The following LIPA variants were observed in gnomAD, a reference collection of about 807,000 sequenced individuals.
LIPA encodes lysosomal acid lipase/cholesteryl ester hydrolase.
In LIPA, 26 loss-of-function variants were observed where a neutral mutation model predicts 40.6. That is an observed-to-expected ratio of 0.64 (90% CI 0.47 to 0.89). The LOEUF is 0.89. Among genes scored for constraint, LIPA ranks in the 40% least tolerant of loss-of-function variants. The probability of loss-of-function intolerance (pLI) is 0.00; values close to 1 mark genes in which losing one functional copy is unlikely to be tolerated. For missense variants in LIPA, 455 were observed against 479.6 expected, an observed-to-expected ratio of 0.95 and a Z score of 0.48; for synonymous variants, 188 against 168.4, an observed-to-expected ratio of 1.12 and a Z score of -0.90.
intron 1 of LIPA, among the ~76,000 whole-genome samples, chr10:89,312,195 C>T (rs7912070): frequency 6.6e-6 from 1 of 152,164 alleles, no homozygotes; most frequent in African/African-American, 2.4e-5. Flanking sequence ...AATCGCCACA[C>T]TTTGGGAGGC....
At chr10:89,290,988 A>G (rs184147259) in intron 1 of LIPA, among the ~76,000 whole-genome samples, 166 of 152,302 alleles carry the variant, frequency 1.1e-3, no homozygotes, top group Non-Finnish European at 2.0e-3. Flanking sequence ...TTAACATTAT[A>G]TTGTGAGTGT....
intron 2 of LIPA, among the ~76,000 whole-genome samples, chr10:89,387,721 A>G (rs1414167977): frequency 2.0e-5 from 3 of 152,242 alleles, no homozygotes; most frequent in Non-Finnish European, 2.9e-5. Context: ...TGTTTTATCA[A>G]TTAATTGTAC....
At chr10:89,351,895 G>T (rs943995936) in intron 2 of LIPA, among the ~76,000 whole-genome samples, 2 of 152,164 alleles carry the variant, frequency 1.3e-5, no homozygotes, top group African/African-American at 2.4e-5. Flanking sequence ...AACTCAGTGT[G>T]TCTCCATCTG....
At chr10:89,329,943 G>A (rs941078299) in intron 1 of LIPA, among the ~76,000 whole-genome samples, 2 of 152,118 alleles carry the variant, frequency 1.3e-5, no homozygotes, top group African/African-American at 2.4e-5. Context: ...TCAAAGGGGG[G>A]TTGTTCTCTG....
intron 2 of LIPA, chr10:89,362,723 T>G: frequency 2.7e-6 from 2 of 728,276 alleles, no homozygotes; most frequent in Non-Finnish European, 4.3e-6. Context: ...TGGAGTGTCC[T>G]GAGATGAACT....
At chr10:89,256,029 G>A (rs1361058912), upstream of LIPA, among the ~76,000 whole-genome samples, 3 of 152,196 alleles carry the variant, frequency 2.0e-5, no homozygotes, top group African/African-American at 7.2e-5. Flanking sequence ...CACTACTCAT[G>A]GCCAAGAAAG....
chr10:89,392,836 G>A (rs303218), intron 2 of LIPA: 218,532 of 1,012,666 alleles, frequency 0.22, 27,805 homozygotes, highest in East Asian at 0.51. Flanking sequence ...CTCGATTTGA[G>A]TATCTGCTTA....
At chr10:89,305,272 A>C (rs1843471155) in intron 1 of LIPA, among the ~76,000 whole-genome samples, 1 of 152,204 alleles carries the variant, frequency 6.6e-6, no homozygotes, top group South Asian at 2.1e-4. Flanking sequence ...TTCACAGAAA[A>C]AAATGAGAAT....
At chr10:89,356,211 G>A (rs1173957944) in intron 2 of LIPA, among the ~76,000 whole-genome samples, 1 of 152,102 alleles carries the variant, frequency 6.6e-6, no homozygotes, top group Non-Finnish European at 1.5e-5. Context: ...GGCAAGGTAT[G>A]GGGTGAGTAG....
intron 2 of LIPA, chr10:89,392,466 T>TCCCCCCCCCCCCCCCC: frequency 3.5e-6 from 1 of 285,990 alleles, no homozygotes; most frequent in Non-Finnish European, 5.8e-6. Context: ...AAAGTTTCAT[T>TCCCCCCCCCCCCCCCC]CCCCACCCCC....
intron 1 of LIPA, chr10:89,307,149 G>A (rs1385678405): frequency 1.2e-6 from 2 of 1,613,824 alleles, no homozygotes; most frequent in Admixed American, 1.7e-5. Flanking sequence ...TTTATAGAGG[G>A]TGTAAAAATA....
At chr10:89,408,557 T>G (rs527342605) in intron 2 of LIPA, among the ~76,000 whole-genome samples, 96 of 152,316 alleles carry the variant, frequency 6.3e-4, no homozygotes, top group African/African-American at 2.2e-3. Flanking sequence ...CTATTGGTTA[T>G]GTACCCTTCA....
At chr10:89,395,641 A>G (rs1199897402) in intron 2 of LIPA, among the ~76,000 whole-genome samples, 3 of 152,198 alleles carry the variant, frequency 2.0e-5, no homozygotes. Context: ...CAAGTTTCCT[A>G]TAAAAGGGGA....
rs549270880 is a variant in LIPA at position 89,303,632 on chromosome 10, C to T, written c.-2+38979G>A. Among the ~76,000 whole-genome samples, 7 of 152,166 alleles carry T rather than the reference C, an allele frequency of 4.6e-5. No homozygotes were observed. The East Asian group carries it at 7.7e-4, about 17-fold the overall frequency. Reference sequence around the variant, plus strand: ...AAATGGCTGCTCAAAGGGCTTTTACCTAAGTGTGTATATTAAATATCTCTA... The same window carrying T: ...AAATGGCTGCTCAAAGGGCTTTTACTTAAGTGTGTATATTAAATATCTCTA... On this transcript the variant is annotated intron_variant, in intron 1 of 5. Transcript: ENST00000282673.
At chr10:89,306,344 C>A in intron 1 of LIPA, 1 of 1,614,064 alleles carries the variant, frequency 6.2e-7, no homozygotes, top group Non-Finnish European at 8.5e-7. Context: ...GTTTTCCAGT[C>A]CCTATAGAAT....
chr10:89,276,939 G>C (rs532452923), intron 1 of LIPA, among the ~76,000 whole-genome samples: 1 of 152,176 alleles, frequency 6.6e-6, no homozygotes, highest in Non-Finnish European at 1.5e-5. Flanking sequence ...AGGCAGCCTA[G>C]CCCCCAGAGC....
At chr10:89,268,026 A>G (rs1843246762) in intron 1 of LIPA, among the ~76,000 whole-genome samples, 1 of 152,188 alleles carries the variant, frequency 6.6e-6, no homozygotes, top group Non-Finnish European at 1.5e-5. Context: ...GTTTACTCCC[A>G]CAAATTATCT....
chr10:89,252,129 C>T (rs376971482), upstream of LIPA: 1 of 152,262 alleles, frequency 6.6e-6, no homozygotes, highest in Non-Finnish European at 1.5e-5. Context: ...GGGCTGGCAC[C>T]TTCTGCGCCT....
rs201891518 is a variant in LIPA, at chr10:89,332,438, C to T, written c.-2+10173G>A. On this transcript the variant is annotated intron_variant, in intron 1 of 5. Coordinates refer to the LIPA transcript ENST00000282673. ...AGCTCAGTTCTCACAGATTCTGTTT[C>T]AGTTTCCCCTCAAGAGGGATCTTGA... The T allele has an allele frequency of 4.8e-5, 67 of 1,403,112 alleles. No individual in the cohort carries two copies. The East Asian group carries it at 1.5e-3, about 32-fold the overall frequency. 86.9% of individuals were successfully genotyped at this position (1,403,112 alleles called of 1,614,324 possible).
Sources: gnomAD v4.1 joint callset for allele counts (sites outside exome capture counted in the v4.1 genomes callset) on GRCh38, gnomAD v4.1.1 for gene constraint, MANE v1.5 for transcripts, NCBI Gene and HGNC (gene_info 2026-07-23, HGNC 2026-07-21) for gene names.